COL15A1: variants seen among roughly 807,000 people sequenced by gnomAD.
COL15A1 encodes collagen type XV alpha 1 chain.
Under a neutral mutation model 165.9 loss-of-function variants are expected in COL15A1, and 111 were observed. That is an observed-to-expected ratio of 0.67 (90% CI 0.57 to 0.78). COL15A1 has a LOEUF of 0.78. Ranked by LOEUF, COL15A1 falls within the 30% of genes least tolerant of loss-of-function variation. The probability of loss-of-function intolerance (pLI) is 0.00; values close to 1 mark genes in which losing one functional copy is unlikely to be tolerated. For missense variants in COL15A1, 1,745 were observed against 1,789.7 expected, an observed-to-expected ratio of 0.98 and a Z score of 0.45; for synonymous variants, 659 against 674.8, an observed-to-expected ratio of 0.98 and a Z score of 0.36.
rs1564065991 is a variant in COL15A1 at position 99,025,906 on chromosome 9, CCCTGAGGGACAG to C, written c.1988_1999del (p.Glu663_Pro666del). 1 of 1,612,892 alleles carries C rather than the reference CCCTGAGGGACAG, an allele frequency of 6.2e-7. No individual in the cohort carries two copies. Among genetic ancestry groups the C allele is most frequent in the Non-Finnish European group, 8.5e-7 (1 of 1,179,600 alleles). Reference sequence around the variant, plus strand: ...TGATTGTCACTGATGTTCCCCAGGGCCCTGAGGGACAGCCTGGAGTTGATGGAGCCACCGGCC... The same window carrying C: ...TGATTGTCACTGATGTTCCCCAGGGCCCTGGAGTTGATGGAGCCACCGGCC... On this transcript the variant is annotated inframe_deletion, in exon 16 of 42. Coordinates refer to ENST00000375001, the MANE Select transcript of COL15A1 (RefSeq NM_001855.5).
At chr9:98,993,157 A>C (rs1312383650) in intron 5 of COL15A1, among the ~76,000 whole-genome samples, 1 of 152,160 alleles carries the variant, frequency 6.6e-6, no homozygotes, top group Non-Finnish European at 1.5e-5. Flanking sequence ...GTTACAATAG[A>C]GTGGACCTGC....
chr9:98,973,576 C>T (rs1784350271), intron 2 of COL15A1, among the ~76,000 whole-genome samples: 1 of 152,226 alleles, frequency 6.6e-6, no homozygotes, highest in South Asian at 2.1e-4. Context: ...GTGTTGTGTT[C>T]ATTTTCCTCA....
rs1295976958 is a variant in COL15A1 at position 99,059,931 on chromosome 9, G to C, written c.3380G>C (p.Gly1127Ala). The C allele has an allele frequency of 1.2e-6, 2 of 1,613,924 alleles. No homozygotes were observed. The highest frequency in any genetic ancestry group is 2.2e-5 in the East Asian group (1 of 44,856). ...CCCCCTGGCCCTCCAGGACAGCCAG[G>C]GCTTCCCGGATCCAGAAACCTGGTC... ...PGPPGPPGQP[G>A]LPGSRNLVTA... is the part of the protein sequence containing the mutation. The change falls in exon 36 of 42, where the codon GGG (glycine) becomes GCG (alanine). Residue 1127 changes from glycine (G) to alanine (A), a missense_variant. By Grantham distance (60) the Gly-to-Ala change is moderately conservative (BLOSUM62 0). Coordinates refer to ENST00000375001, the MANE Select transcript of COL15A1 (RefSeq NM_001855.5).
At chr9:99,044,313 C>T (rs371167176) in intron 24 of COL15A1, among the ~76,000 whole-genome samples, 4 of 152,002 alleles carry the variant, frequency 2.6e-5, no homozygotes, top group South Asian at 2.1e-4. Flanking sequence ...TGCCTTAGGA[C>T]GGTAACTCTG....
In COL15A1 at chr9:99,034,538, G is replaced by GT. The variant is rs778060232; in HGVS notation, c.2044-4dup. The GT allele has an allele frequency of 4.2e-5, 53 of 1,270,370 alleles. 1 individual carries two copies. Among genetic ancestry groups the GT allele is most frequent in the African/African-American group, 3.0e-4 (14 of 47,090 alleles). 78.7% of individuals were successfully genotyped at this position (1,270,370 alleles called of 1,614,324 possible). On this transcript the variant is annotated splice_polypyrimidine_tract_variant and intron_variant, in intron 16 of 41. Coordinates refer to ENST00000375001, the MANE Select transcript of COL15A1 (RefSeq NM_001855.5). ...TTAATTGGTCCATGTTTTTGTTTTT[G>GT]TTTTTTTCAGGGAGCAAGAGGGCCT...
chr9:99,009,179 AACC>A (rs58250686), intron 9 of COL15A1, among the ~76,000 whole-genome samples: 16,272 of 152,202 alleles, frequency 0.11, 1,025 homozygotes, highest in East Asian at 0.25. Context: ...CCGATTATAA[AACC>A]ACCTTTTGAA....
At chr9:99,006,908 GA>G (rs1838771998) in intron 9 of COL15A1, among the ~76,000 whole-genome samples, 1 of 152,188 alleles carries the variant, frequency 6.6e-6, no homozygotes, top group Admixed American at 6.5e-5. Context: ...GTCAATTTTG[GA>G]AGTTTATTTT....
At chr9:98,952,626 A>C (rs959970510) in intron 2 of COL15A1, among the ~76,000 whole-genome samples, 1 of 152,034 alleles carries the variant, frequency 6.6e-6, no homozygotes, top group Non-Finnish European at 1.5e-5. Context: ...GGCTCAAGCA[A>C]TCCTCCCAAC....
chr9:98,962,335 C>T (rs1564012464), intron 2 of COL15A1, among the ~76,000 whole-genome samples: 1 of 152,184 alleles, frequency 6.6e-6, no homozygotes, highest in East Asian at 1.9e-4. Flanking sequence ...TACGCCTCTC[C>T]TGTCCAAGCC....
chr9:99,034,427 G>A (rs1839259801), intron 16 of COL15A1, 122 bp from the exon 17 acceptor site: 1 of 1,429,072 alleles, frequency 7.0e-7, no homozygotes, highest in South Asian at 1.6e-5. Context: ...ACCAATCTGA[G>A]ACAGAAAGAG....
At chr9:99,049,553 C>A in intron 28 of COL15A1, 137 bp from the exon 29 acceptor site, 1 of 1,020,516 alleles carries the variant, frequency 9.8e-7, no homozygotes, top group Non-Finnish European at 1.4e-6. Flanking sequence ...TGCTCTGTGG[C>A]TCCCTGAGCA....
chr9:98,962,954 G>C (rs1248817060), intron 2 of COL15A1, among the ~76,000 whole-genome samples: 1 of 152,340 alleles, frequency 6.6e-6, no homozygotes, highest in South Asian at 2.1e-4. Context: ...CTTCTGGAAT[G>C]AATAGAAATG....
chr9:99,035,862 C>A (rs550393529), intron 19 of COL15A1, among the ~76,000 whole-genome samples: 4 of 152,182 alleles, frequency 2.6e-5, no homozygotes, highest in African/African-American at 9.7e-5. Flanking sequence ...GATGCCGGCT[C>A]TCAGGAGGAC....
chr9:98,985,721 C>T lies in COL15A1; in HGVS notation c.257C>T (p.Thr86Ile), dbSNP rs758507654. 4 of 1,614,256 alleles carry T rather than the reference C, an allele frequency of 2.5e-6. No homozygotes were observed. Among genetic ancestry groups the T allele is most frequent in the Non-Finnish European group, 3.4e-6 (4 of 1,180,056 alleles). ...GRPARTLIPS[T>I]FFRDFAISVV... ...CCAGCCAGGACTCTCATCCCATCCA[C>T]CTTCTTCAGGGACTTCGCCATCAGC... Residue 86 changes from threonine (T) to isoleucine (I), a missense_variant, in exon 3 of 42, where the codon ACC becomes ATC. Thr to Ile is a moderately conservative substitution (Grantham distance 89). Coordinates refer to ENST00000375001, the MANE Select transcript of COL15A1 (RefSeq NM_001855.5).
At chr9:99,036,032 G>A (rs921270221) in intron 19 of COL15A1, 138 bp from the exon 20 acceptor site, 8 of 681,672 alleles carry the variant, frequency 1.2e-5, no homozygotes, top group Admixed American at 5.1e-5. Flanking sequence ...TCCAGAAGGG[G>A]CATTTTTCGC....
At position 99,066,966 on chromosome 9, in the gene COL15A1, C is replaced by T; in HGVS notation, c.3736C>T (p.Leu1246=). 5.0e-6 allele frequency: 8 copies of T among 1,614,170 alleles called. No individual in the cohort carries two copies. The highest frequency in any genetic ancestry group is 6.8e-6 in the Non-Finnish European group (8 of 1,180,008). The change falls in exon 40 of 42, where the codon CTG becomes TTG. Residue 1246 remains leucine, a synonymous_variant. Transcript: ENST00000375001. The part of the protein sequence containing the change: ...QCFKQARAAG[L]LSTYRAFLSS... ...CTTCAAGCAGGCCAGAGCTGCAGGACTGTTGTCCACCTACCGAGCATTCTT... is the reference window on the plus strand; with the variant it reads ...CTTCAAGCAGGCCAGAGCTGCAGGATTGTTGTCCACCTACCGAGCATTCTT...
In COL15A1 at chr9:98,989,141, C is replaced by A. The variant is rs1248002815; in HGVS notation, c.724-37C>A. On this transcript the variant is annotated intron_variant, in intron 4 of 41. Transcript: ENST00000375001. ...ATCCAACTCTTATGGGCCCTGCCCG[C>A]TCTGCCCGGTGTGTGGCACAGTTTG... 1.9e-6 allele frequency: 3 copies of A among 1,562,970 alleles called. No homozygotes were observed. In the Admixed American group the frequency reaches 5.0e-5, roughly 26 times the overall value.
In COL15A1 at chr9:99,006,464, T is replaced by G. The variant is rs186232129; in HGVS notation, c.1353+1414T>G. Among the ~76,000 whole-genome samples the G allele has an allele frequency of 1.8e-3, 267 of 152,350 alleles. 2 individuals are homozygous for G. Among genetic ancestry groups the G allele is most frequent in the African/African-American group, 6.3e-3 (262 of 41,586 alleles). On this transcript the variant is annotated intron_variant, in intron 9 of 41. Coordinates refer to ENST00000375001, the MANE Select transcript of COL15A1 (RefSeq NM_001855.5). The stretch of plus-strand genomic sequence containing the variant: ...ATTGCACACACTTGTGCCCCTGGTC[T>G]GTCTGTGCTGGTCAGGCAGCCTTCA...
At chr9:98,967,257 C>T (rs745867904) in intron 2 of COL15A1, among the ~76,000 whole-genome samples, 5 of 152,124 alleles carry the variant, frequency 3.3e-5, no homozygotes, top group Non-Finnish European at 4.4e-5. Context: ...TAGTATGACT[C>T]GTAGACCTGG....
Sources: allele counts gnomAD v4.1 joint callset (sites outside exome capture counted in the v4.1 genomes callset), GRCh38; gene constraint gnomAD v4.1.1; transcripts MANE v1.5; gene names NCBI Gene and HGNC (gene_info 2026-07-23, HGNC 2026-07-21).